Variants in ODR4 observed in about 807,000 individuals in gnomAD.
The protein encoded by ODR4 is protein odr-4 homolog.
In ODR4, 47 loss-of-function variants were observed where a neutral mutation model predicts 60.2. The ratio of observed to expected loss-of-function variants is 0.78; its 90% CI spans 0.62 to 1.00. The LOEUF is 1.00. Among genes scored for constraint, ODR4 ranks in the 50% least tolerant of loss-of-function variants. The pLI, the probability that ODR4 is intolerant of heterozygous loss-of-function variation, is 0.00. For synonymous variants in ODR4, 178 were observed against 175.5 expected (o/e 1.01, Z -0.11); for missense variants, 488 against 530.8 (o/e 0.92, Z 0.79).
chr1:186,410,562 G>A (rs1192175019), intron 12 of ODR4, among the ~76,000 whole-genome samples: 1 of 152,200 alleles, frequency 6.6e-6, no homozygotes, highest in Non-Finnish European at 1.5e-5. Context: ...AGAGAATGTA[G>A]TAAGGTCCTA....
intron 1 of ODR4, among the ~76,000 whole-genome samples, chr1:186,378,733 C>G (rs936964624): frequency 1.3e-5 from 2 of 152,162 alleles, no homozygotes; most frequent in Non-Finnish European, 2.9e-5. Context: ...ATTTAATCAA[C>G]TTTTCTCATT....
intron 12 of ODR4, among the ~76,000 whole-genome samples, chr1:186,412,314 A>T (rs1651901578): frequency 6.6e-6 from 1 of 152,152 alleles, no homozygotes; most frequent in Non-Finnish European, 1.5e-5. Flanking sequence ...AAGAGTCAGA[A>T]CTCTTAGCAG....
intron 5 of ODR4, among the ~76,000 whole-genome samples, chr1:186,388,885 A>G (rs1265521812): frequency 6.6e-6 from 1 of 152,196 alleles, no homozygotes; most frequent in East Asian, 1.9e-4. Context: ...TGTTTTTATT[A>G]TGTTAAAGTT....
chr1:186,422,717 T>C (rs966492763), downstream of ODR4, among the ~76,000 whole-genome samples: 4 of 152,128 alleles, frequency 2.6e-5, no homozygotes, highest in Non-Finnish European at 5.9e-5. Context: ...AAATTGGGTA[T>C]TGTAGCTGAA....
rs77126871 is a variant in ODR4, at chr1:186,390,500, T to C, written c.475-211T>C. 3.5e-3 allele frequency among the ~76,000 whole-genome samples: 530 copies of C among 152,344 alleles called. 2 individuals carry two copies. Among genetic ancestry groups the C allele is most frequent in the African/African-American group, 0.012 (503 of 41,588 alleles). ...CTGCCTACCATTGGGAGGAGAAGTA[T>C]TGCCAAGGATGTATTGAAGAGTACT... On this transcript the variant is annotated intron_variant, in intron 6 of 13. Coordinates refer to ENST00000287859, the MANE Select transcript of ODR4 (RefSeq NM_017847.6).
In ODR4 at chr1:186,379,777, T is replaced by A; in HGVS notation, c.-9T>A. The A allele has an allele frequency of 6.5e-7, 1 of 1,534,142 alleles. No individual in the cohort carries two copies. The highest frequency in any genetic ancestry group is 8.8e-7 in the Non-Finnish European group (1 of 1,130,708). ...CTTCTTGTGATATAGGAGATTTTAG[T>A]TCCTAAAAATGGGAAGAACCTACAT... On this transcript the variant is annotated 5_prime_UTR_variant, in exon 2 of 14. Coordinates refer to ENST00000287859, the MANE Select transcript of ODR4 (RefSeq NM_017847.6).
intron 12 of ODR4, among the ~76,000 whole-genome samples, chr1:186,410,305 C>G (rs962049967): frequency 6.6e-6 from 1 of 152,114 alleles, no homozygotes; most frequent in East Asian, 1.9e-4. Flanking sequence ...CTCAGTAGTT[C>G]AGAACATTTT....
rs1661757520 is a variant in ODR4 at position 186,421,110 on chromosome 1, A to G, written c.*2034A>G. 1 of 152,216 alleles carries G rather than the reference A, an allele frequency of 6.6e-6. No individual in the cohort carries two copies. The highest frequency in any genetic ancestry group is 1.5e-5 in the Non-Finnish European group (1 of 68,048). 9.4% of individuals were successfully genotyped at this position (152,216 alleles called of 1,614,324 possible). A position where few individuals can be genotyped will look rare whatever the true frequency, so the allele number is the denominator to read the frequency against. On this transcript the variant is annotated 3_prime_UTR_variant, in exon 14 of 14. Transcript: ENST00000287859. ...GAAAAACTATTAGCTTAGAATTTGC[A>G]ACAAGCGAAACTGAAACAAACAGAT... is the stretch of plus-strand genomic sequence containing the variant.
chr1:186,398,427 A>G lies in ODR4; in HGVS notation c.895A>G (p.Lys299Glu). The change falls in exon 10 of 14, where the codon AAA (lysine) becomes GAA (glutamate). Residue 299 changes from lysine (K) to glutamate (E), a missense_variant. Coordinates refer to ENST00000287859, the MANE Select transcript of ODR4 (RefSeq NM_017847.6). ...TATCCACAGCAGTAAACCCAAAGTT[A>G]AAGATGCTGTGCAGGTACAAAAAGG... ...AYIHSSKPKV[K>E]DAVQAVKRDI... The G allele has an allele frequency of 6.2e-7, 1 of 1,606,712 alleles. No individual in the cohort carries two copies. The highest frequency in any genetic ancestry group is 8.5e-7 in the Non-Finnish European group (1 of 1,175,996).
At chr1:186,377,465 A>G (rs756902751) in intron 1 of ODR4, among the ~76,000 whole-genome samples, 1 of 152,212 alleles carries the variant, frequency 6.6e-6, no homozygotes, top group Non-Finnish European at 1.5e-5. Context: ...TTACACATTA[A>G]TATGGCTACT....
intron 12 of ODR4, among the ~76,000 whole-genome samples, chr1:186,416,474 C>A (rs192443494): frequency 6.6e-6 from 1 of 152,150 alleles, no homozygotes; most frequent in African/African-American, 2.4e-5. Flanking sequence ...GAGTTGGGGA[C>A]CAGCCTGGCC....
intron 3 of ODR4, among the ~76,000 whole-genome samples, chr1:186,384,311 G>GCT (rs1660162084): frequency 6.6e-6 from 1 of 151,538 alleles, no homozygotes; most frequent in Non-Finnish European, 1.5e-5. Flanking sequence ...TTAACAACCA[G>GCT]CTCTCGTAGG....
chr1:186,425,818 C>G (rs1558110764), downstream of ODR4, among the ~76,000 whole-genome samples: 1 of 152,102 alleles, frequency 6.6e-6, no homozygotes, highest in South Asian at 2.1e-4. Flanking sequence ...TGATCTTTGC[C>G]ATAAGGTGAT....
chr1:186,409,202 A>G (rs959593652), intron 12 of ODR4, among the ~76,000 whole-genome samples: 1 of 152,090 alleles, frequency 6.6e-6, no homozygotes, highest in Non-Finnish European at 1.5e-5. Flanking sequence ...CAAAAAAAAA[A>G]AAAAAAATTA....
rs1659728934 is a variant in ODR4 at position 186,375,858 on chromosome 1, A to C, written c.-136A>C. ...TTTCTGATGAATTCAGTGGCAGTGAATTGAGACCGGAGGGAATCTGGCCCC... is the reference window on the plus strand; with the variant it reads ...TTTCTGATGAATTCAGTGGCAGTGACTTGAGACCGGAGGGAATCTGGCCCC... On this transcript the variant is annotated 5_prime_UTR_variant, in exon 1 of 14. Transcript: ENST00000287859. 1 of 205,494 alleles carries C rather than the reference A, an allele frequency of 4.9e-6. No homozygotes were observed. Among genetic ancestry groups the C allele is most frequent in the South Asian group, 5.6e-5 (1 of 17,726 alleles). 12.7% of individuals were successfully genotyped at this position (205,494 alleles called of 1,614,324 possible). A position where few individuals can be genotyped will look rare whatever the true frequency, so the allele number is the denominator to read the frequency against.
chr1:186,411,553 T>A (rs1661382546), intron 12 of ODR4, among the ~76,000 whole-genome samples: 1 of 151,966 alleles, frequency 6.6e-6, no homozygotes, highest in African/African-American at 2.4e-5. Flanking sequence ...TAAATATATT[T>A]TAATCCTCTT....
chr1:186,424,612 G>A (rs1661852853), downstream of ODR4, among the ~76,000 whole-genome samples: 1 of 151,806 alleles, frequency 6.6e-6, no homozygotes, highest in Admixed American at 6.6e-5. Flanking sequence ...TCAGCTGGGT[G>A]GTTTTGCGCC....
At chr1:186,431,719 C>G in the ODR4 span, among the ~76,000 whole-genome samples, 2 of 152,058 alleles carry the variant, frequency 1.3e-5, no homozygotes, top group Non-Finnish European at 2.9e-5. Context: ...CATTTGCAAG[C>G]TTAAAGAGAA....
chr1:186,398,338 C>T lies in ODR4; in HGVS notation c.806C>T (p.Thr269Ile), dbSNP rs775843214. ...CTCCTGAATTCAGACCACAGATCCA[C>T]AGCCACAGTCCAGATATGTAGCGGT... is the stretch of plus-strand genomic sequence containing the variant. ...QLLLNSDHRS[T>I]ATVQICSGSV... The change falls in exon 10 of 14, where the codon ACA becomes ATA. Residue 269 changes from threonine to isoleucine, a missense_variant. Coordinates refer to ENST00000287859, the MANE Select transcript of ODR4 (RefSeq NM_017847.6). The T allele has an allele frequency of 5.6e-6, 9 of 1,603,712 alleles. No homozygotes were observed. Among genetic ancestry groups the T allele is most frequent in the African/African-American group, 1.3e-5 (1 of 74,708 alleles).
Sources: gnomAD v4.1 joint callset for allele counts (sites outside exome capture counted in the v4.1 genomes callset) on GRCh38, gnomAD v4.1.1 for gene constraint, MANE v1.5 for transcripts, NCBI Gene and HGNC (gene_info 2026-07-23, HGNC 2026-07-21) for gene names.